ACTR3: variants seen among roughly 807,000 people sequenced by gnomAD.
ACTR3 encodes actin-related protein 3.
Under a neutral mutation model 56.8 loss-of-function variants are expected in ACTR3, and 12 were observed. The ratio of observed to expected loss-of-function variants is 0.21; its 90% confidence interval spans 0.14 to 0.34. The LOEUF is 0.34. Among genes scored for constraint, ACTR3 ranks in the 10% least tolerant of loss-of-function variants. ACTR3 has a pLI of 1.00. For synonymous variants in ACTR3, 162 were observed against 167.4 expected, an observed-to-expected ratio of 0.97 and a Z score of 0.25; for missense variants, 282 against 512.5, an observed-to-expected ratio of 0.55 and a Z score of 4.34.
chr2:113,927,260 A>G (rs1679639005), intron 3 of ACTR3, 85 bp from the exon 4 acceptor site: 1 of 844,346 alleles, frequency 1.2e-6, no homozygotes, highest in African/African-American at 1.7e-5. Flanking sequence ...ATATCCACTA[A>G]TGATCTGATA....
intron 1 of ACTR3, among the ~76,000 whole-genome samples, chr2:113,905,664 C>T (rs1366727099): frequency 6.6e-6 from 1 of 152,132 alleles, no homozygotes; most frequent in African/African-American, 2.4e-5. Flanking sequence ...TCTCTCCTCA[C>T]ATGCGAAGTC....
intron 3 of ACTR3, among the ~76,000 whole-genome samples, chr2:113,921,884 ATC>A (rs1559471532): frequency 6.6e-6 from 1 of 152,182 alleles, no homozygotes; most frequent in Non-Finnish European, 1.5e-5. Context: ...AGGGGAACAT[ATC>A]ACAGGGGAAG....
At chr2:113,892,176 A>T (rs1320589916) in intron 1 of ACTR3, among the ~76,000 whole-genome samples, 1 of 152,220 alleles carries the variant, frequency 6.6e-6, no homozygotes. Flanking sequence ...AGTATACAAG[A>T]TGTTTCATTG....
chr2:113,908,236 A>G (rs1464075573), intron 1 of ACTR3, among the ~76,000 whole-genome samples: 2 of 150,810 alleles, frequency 1.3e-5, no homozygotes, highest in East Asian at 2.0e-4. Flanking sequence ...GTCAAATGCC[A>G]ATTAGCTGTT....
chr2:113,935,249 G>GT (rs74990351), intron 6 of ACTR3, among the ~76,000 whole-genome samples: 17,779 of 152,112 alleles, frequency 0.12, 1,626 homozygotes, highest in East Asian at 0.36. Flanking sequence ...TCTTTAGAGT[G>GT]TACAGTTCAT....
intron 3 of ACTR3, among the ~76,000 whole-genome samples, chr2:113,917,715 A>G (rs1468284892): frequency 6.6e-6 from 1 of 152,184 alleles, no homozygotes; most frequent in Non-Finnish European, 1.5e-5. Context: ...AACAACTACC[A>G]TGTGTAAAAT....
Position 113,942,250 on chromosome 2 carries a change from C to A in ACTR3, c.749C>A (p.Ser250Ter). 1.9e-6 allele frequency: 3 copies of A among 1,605,616 alleles called. No individual in the cohort carries two copies. In the South Asian group the frequency reaches 3.3e-5, roughly 18 times the overall value. The change falls in exon 8 of 12, where the codon TCA (serine) becomes TAA (stop). Residue 250 changes from serine to a stop codon, truncating the protein, a stop_gained. Transcript: ENST00000263238. LOFTEE classifies it high-confidence loss of function. Reference sequence around the variant, plus strand: ...TTTAACAAGTATGATACAGATGGGTCAAAATGGATTAAACAGTATACTGGA... The same window carrying A: ...TTTAACAAGTATGATACAGATGGGTAAAAATGGATTAAACAGTATACTGGA... ...KEFNKYDTDG[S>*]KWIKQYTGIN...
intron 9 of ACTR3, 71 bp from the exon 10 acceptor site, chr2:113,951,649 A>ATT (rs1680122622): frequency 6.8e-7 from 1 of 1,480,178 alleles, no homozygotes; most frequent in African/African-American, 1.4e-5. Flanking sequence ...ATATAATAGC[A>ATT]TTTCAGTACT....
intron 10 of ACTR3, chr2:113,952,261 C>T (rs529322133): frequency 1.2e-5 from 2 of 160,116 alleles, no homozygotes; most frequent in Admixed American, 6.0e-5. Flanking sequence ...TTAGCTCCCA[C>T]ATAGCAACCT....
At position 113,959,681 on chromosome 2, in the gene ACTR3, C is replaced by CTGTGAT. The variant is rs1680291772; in HGVS notation, c.*2230_*2235dup. 1 of 152,012 alleles carries CTGTGAT rather than the reference C, an allele frequency of 6.6e-6. No individual in the cohort carries two copies. The allele number at this position is 152,012 out of a possible 1,614,324, so 9.4% of individuals were successfully genotyped here. ...ATTCTTGTTTCTTTATATCTCTCCTCTGTGATTGTATACCGTTTTTTCAAC... is the reference window on the plus strand; with the variant it reads ...ATTCTTGTTTCTTTATATCTCTCCTCTGTGATTGTGATTGTATACCGTTTTTTCAAC... On this transcript the variant is annotated 3_prime_UTR_variant, in exon 12 of 12. Coordinates refer to ENST00000263238, the MANE Select transcript of ACTR3 (RefSeq NM_005721.5).
intron 1 of ACTR3, among the ~76,000 whole-genome samples, chr2:113,898,118 A>T (rs1273634694): frequency 6.6e-6 from 1 of 152,024 alleles, no homozygotes; most frequent in Non-Finnish European, 1.5e-5. Flanking sequence ...CCATGTTTTT[A>T]GTATTAGTGT....
chr2:113,927,224 C>T, intron 3 of ACTR3, 121 bp from the exon 4 acceptor site: 1 of 560,856 alleles, frequency 1.8e-6, no homozygotes, highest in Non-Finnish European at 3.0e-6. Flanking sequence ...TCTATAGTAT[C>T]ACACCTATGA....
intron 3 of ACTR3, among the ~76,000 whole-genome samples, chr2:113,924,675 C>T (rs1250708150): frequency 6.6e-6 from 1 of 151,994 alleles, no homozygotes; most frequent in Non-Finnish European, 1.5e-5. Flanking sequence ...ACATAAATTT[C>T]TCATTGATAA....
At chr2:113,925,329 G>A (rs1159486136) in intron 3 of ACTR3, among the ~76,000 whole-genome samples, 1 of 151,474 alleles carries the variant, frequency 6.6e-6, no homozygotes, top group African/African-American at 2.4e-5. Flanking sequence ...CCGAGTAGCT[G>A]GGATTATAGG....
chr2:113,949,377 CAAAAAAAAAAAA>C (rs1167037648), intron 8 of ACTR3, among the ~76,000 whole-genome samples: 1 of 57,720 alleles, frequency 1.7e-5, no homozygotes, highest in Non-Finnish European at 3.3e-5. Context: ...GACTCGGTCT[CAAAAAAAAAAAA>C]AAAAGAAAAA....
At chr2:113,906,845 C>A (rs1339957465) in intron 1 of ACTR3, among the ~76,000 whole-genome samples, 1 of 152,090 alleles carries the variant, frequency 6.6e-6, no homozygotes, top group Admixed American at 6.5e-5. Flanking sequence ...CTGTTTTGGT[C>A]ACTATAGCTT....
chr2:113,939,180 T>C (rs1305412458), intron 6 of ACTR3, among the ~76,000 whole-genome samples: 1 of 151,696 alleles, frequency 6.6e-6, no homozygotes, highest in African/African-American at 2.4e-5. Context: ...CGCGCCACCA[T>C]GCCCGGCTAA....
At chr2:113,944,988 T>C (rs1679990293) in intron 8 of ACTR3, among the ~76,000 whole-genome samples, 1 of 152,082 alleles carries the variant, frequency 6.6e-6, no homozygotes. Flanking sequence ...GATTAAAGTA[T>C]TACAGCATAG....
intron 10 of ACTR3, chr2:113,952,905 A>G (rs891879961): frequency 1.3e-5 from 2 of 152,046 alleles, no homozygotes; most frequent in African/African-American, 4.8e-5. Context: ...TTACCCACAT[A>G]TCTATCTACC....
Sources: allele counts gnomAD v4.1 joint callset (sites outside exome capture counted in the v4.1 genomes callset), GRCh38; gene constraint gnomAD v4.1.1; transcripts MANE v1.5; gene names NCBI Gene and HGNC (gene_info 2026-07-23, HGNC 2026-07-21).